UGT8: variants seen among roughly 807,000 people sequenced by gnomAD.
The protein encoded by UGT8 is UDP glycosyltransferase 8.
In UGT8, 12 loss-of-function variants were observed where a neutral mutation model predicts 40.5. The observed-to-expected ratio is 0.30, with a 90% CI of 0.19 to 0.48. UGT8 has a LOEUF of 0.48. Ranked by LOEUF, UGT8 falls within the 20% of genes least tolerant of loss-of-function variation. The probability of loss-of-function intolerance (pLI) is 0.99; values close to 1 mark genes in which losing one functional copy is unlikely to be tolerated. For missense variants in UGT8, 513 were observed against 648.7 expected (o/e 0.79, Z 2.27); for synonymous variants, 224 against 240.4 (o/e 0.93, Z 0.63).
Position 114,614,657 on chromosome 4 carries a change from C to G in UGT8, c.-2-8222C>G, listed in dbSNP as rs767525595. Among the ~76,000 whole-genome samples the G allele has an allele frequency of 6.2e-5, 5 of 80,880 alleles. No homozygotes were observed. The Admixed American group carries it at 6.5e-4, about 11-fold the overall frequency. 53.1% of individuals were successfully genotyped at this position (80,880 alleles called of 152,430 possible). A position where few individuals can be genotyped will look rare whatever the true frequency, so the allele number is the denominator to read the frequency against. ...TCAGCATTTTTCAGTTTTATTTCTG[C>G]AGTTAAGCCGTGGGCTTCTATACAA... On this transcript the variant is annotated intron_variant, in intron 1 of 5. Transcript: ENST00000310836.
intron 2 of UGT8, among the ~76,000 whole-genome samples, chr4:114,646,761 A>C (rs1205995962): frequency 2.0e-5 from 3 of 152,222 alleles, no homozygotes; most frequent in Non-Finnish European, 4.4e-5. Flanking sequence ...CATGATTATG[A>C]TGTAGTGTTT....
At chr4:114,619,548 T>C (rs1731650514) in intron 1 of UGT8, 1 of 152,116 alleles carries the variant, frequency 6.6e-6, no homozygotes, top group African/African-American at 2.4e-5. Context: ...CCCATATGTG[T>C]ACACATGTAT....
At chr4:114,670,267 T>TA (rs1270157999) in intron 5 of UGT8, among the ~76,000 whole-genome samples, 4 of 151,364 alleles carry the variant, frequency 2.6e-5, no homozygotes, top group African/African-American at 9.7e-5. Flanking sequence ...CCATCTCTAC[T>TA]AAAAATACAA....
intron 2 of UGT8, among the ~76,000 whole-genome samples, chr4:114,634,720 T>A (rs1732781779): frequency 6.6e-6 from 1 of 152,248 alleles, no homozygotes; most frequent in Admixed American, 6.5e-5. Flanking sequence ...GACAGAGTAC[T>A]CACTGGGAAC....
intron 4 of UGT8, 146 bp from the exon 5 acceptor site, chr4:114,667,939 A>ATCTCGGTGGTC: frequency 7.0e-7 from 1 of 1,430,750 alleles, no homozygotes. Context: ...ATTGGTGTAG[A>ATCTCGGTGGTC]GCAGGAATCA....
chr4:114,668,472 C>T (rs926867606), intron 5 of UGT8, among the ~76,000 whole-genome samples, 168 bp downstream of exon 5: 4 of 152,092 alleles, frequency 2.6e-5, no homozygotes, highest in Admixed American at 1.3e-4. Context: ...AAAATGAAAA[C>T]AGCAGTCATT....
chr4:114,619,198 G>A (rs1413137261), intron 1 of UGT8, among the ~76,000 whole-genome samples: 3 of 152,030 alleles, frequency 2.0e-5, no homozygotes, highest in African/African-American at 7.2e-5. Context: ...TATAACATGG[G>A]AAGGATTAAC....
intron 5 of UGT8, among the ~76,000 whole-genome samples, chr4:114,672,323 A>G (rs1305919956): frequency 6.6e-6 from 1 of 152,234 alleles, no homozygotes; most frequent in Admixed American, 6.5e-5. Context: ...TACTGGGTAT[A>G]TACTCAAAGG....
chr4:114,638,001 A>C (rs1732992382), intron 2 of UGT8, among the ~76,000 whole-genome samples: 1 of 152,236 alleles, frequency 6.6e-6, no homozygotes, highest in Non-Finnish European at 1.5e-5. Flanking sequence ...ATATATTTTA[A>C]ACCTCTGGCA....
At chr4:114,632,227 C>T (rs192982220) in intron 2 of UGT8, among the ~76,000 whole-genome samples, 73 of 152,194 alleles carry the variant, frequency 4.8e-4, no homozygotes, top group African/African-American at 1.7e-3. Flanking sequence ...AACAGAGCAT[C>T]CATTCTAGAA....
At chr4:114,640,112 G>A (rs1375805813) in intron 2 of UGT8, among the ~76,000 whole-genome samples, 1 of 148,848 alleles carries the variant, frequency 6.7e-6, no homozygotes, top group African/African-American at 2.5e-5. Flanking sequence ...CTCACTGCAA[G>A]CTCCGCCTCC....
chr4:114,650,875 A>C (rs775372498), intron 2 of UGT8, among the ~76,000 whole-genome samples: 1 of 151,990 alleles, frequency 6.6e-6, no homozygotes, highest in Non-Finnish European at 1.5e-5. Flanking sequence ...CAGATATGCA[A>C]GTTTTTTTCT....
Position 114,664,188 on chromosome 4 carries a change from TTG to T in UGT8, c.965+53_965+54del, listed in dbSNP as rs4148256. On this transcript the variant is annotated intron_variant, in intron 3 of 5. Coordinates refer to ENST00000310836, the MANE Select transcript of UGT8 (RefSeq NM_001128174.3). ...TTTGCTATTGACAATCAATATCTCC[TTG>T]TTTAGTGCACAGGTCCCAGTAAAGC... 1.7e-4 allele frequency: 266 copies of T among 1,593,194 alleles called. No individual in the cohort carries two copies. The East Asian group carries it at 4.2e-3, about 25-fold the overall frequency.
At chr4:114,655,166 A>C (rs1578452644) in intron 2 of UGT8, among the ~76,000 whole-genome samples, 1 of 151,716 alleles carries the variant, frequency 6.6e-6, no homozygotes, top group East Asian at 1.9e-4. Flanking sequence ...GATTATCTAG[A>C]TTTTTCCACA....
At chr4:114,657,319 A>G (rs1734250580) in intron 2 of UGT8, among the ~76,000 whole-genome samples, 1 of 152,170 alleles carries the variant, frequency 6.6e-6, no homozygotes. Context: ...GGCAAAATTA[A>G]TCAAGCTCAC....
At chr4:114,675,010 G>T (rs1735535168) in intron 5 of UGT8, among the ~76,000 whole-genome samples, 2 of 152,052 alleles carry the variant, frequency 1.3e-5, no homozygotes, top group African/African-American at 4.8e-5. Context: ...ATTTAAGAGG[G>T]TGTTTTCTTT....
chr4:114,625,093 A>G (rs1332381727), intron 2 of UGT8, among the ~76,000 whole-genome samples: 1 of 151,998 alleles, frequency 6.6e-6, no homozygotes, highest in Admixed American at 6.6e-5. Context: ...ATGTTACACA[A>G]ATCATCCTTG....
chr4:114,602,194 T>A (rs1730483207), intron 1 of UGT8, among the ~76,000 whole-genome samples: 1 of 152,058 alleles, frequency 6.6e-6, no homozygotes, highest in Non-Finnish European at 1.5e-5. Flanking sequence ...AAGCAGCCTT[T>A]AAAAAAAAGT....
intron 3 of UGT8, among the ~76,000 whole-genome samples, chr4:114,665,205 G>A (rs1163856425): frequency 1.3e-5 from 2 of 152,106 alleles, no homozygotes; most frequent in African/African-American, 2.4e-5. Context: ...TTTATTTCTG[G>A]TGAAGCTAAA....
Sources: gnomAD v4.1 joint callset for allele counts (sites outside exome capture counted in the v4.1 genomes callset) on GRCh38, gnomAD v4.1.1 for gene constraint, MANE v1.5 for transcripts, NCBI Gene and HGNC (gene_info 2026-07-23, HGNC 2026-07-21) for gene names.